The following PUDP variants were observed in gnomAD, a reference collection of about 807,000 sequenced individuals.
The protein encoded by PUDP is pseudouridine-5'-phosphatase.
PUDP carries 8 observed loss-of-function variants against 9.4 expected under a neutral mutation model. The ratio of observed to expected loss-of-function variants is 0.85; its 90% CI spans 0.50 to 1.53. The LOEUF (loss-of-function observed/expected upper bound fraction) is 1.53, where lower values mean the gene tolerates loss of function less well. PUDP is among the 40% of genes most tolerant of loss of function. The pLI is 0.00. For missense variants in PUDP, 188 were observed against 189.7 expected, an observed-to-expected ratio of 0.99 and a Z score of 0.05; for synonymous variants, 99 against 80.7, an observed-to-expected ratio of 1.23 and a Z score of -1.22.
intron 3 of PUDP, among the ~76,000 whole-genome samples, chrX:6,893,326 C>G (rs903887084): frequency 9.0e-6 from 1 of 111,534 alleles, no homozygotes; most frequent in African/African-American, 3.3e-5. Flanking sequence ...AACAAATGCC[C>G]TGGAGAAGCT....
chrX:7,140,180 A>G (rs1259932950), intron 1 of PUDP, among the ~76,000 whole-genome samples: 3 of 112,369 alleles, frequency 2.7e-5, no homozygotes, highest in African/African-American at 6.5e-5. Context: ...AGCACCAACA[A>G]GGCAATTTTA....
chrX:6,795,183 A>G (rs1569100358), intron 3 of PUDP, among the ~76,000 whole-genome samples: 1 of 111,221 alleles, frequency 9.0e-6, no homozygotes, highest in East Asian at 2.8e-4. Context: ...TCTGCATCGT[A>G]TATGTGGTCT....
intron 1 of PUDP, among the ~76,000 whole-genome samples, chrX:7,110,517 G>C (rs1208974214): frequency 9.0e-6 from 1 of 111,536 alleles, no homozygotes; most frequent in Non-Finnish European, 1.9e-5. Context: ...CTGTCATTAA[G>C]AAGCACATAT....
At chrX:6,795,459 A>C (rs1204973930) in intron 3 of PUDP, among the ~76,000 whole-genome samples, 1 of 110,767 alleles carries the variant, frequency 9.0e-6, no homozygotes, top group African/African-American at 3.3e-5. Flanking sequence ...AGTTCCTCCC[A>C]CCCACCATCA....
intron 3 of PUDP, among the ~76,000 whole-genome samples, chrX:6,923,684 T>C (rs759713694): frequency 1.8e-5 from 2 of 111,315 alleles, no homozygotes; most frequent in East Asian, 5.7e-4. Flanking sequence ...ATTGCAAGTG[T>C]CTCCTGAGTG....
intron 2 of PUDP, among the ~76,000 whole-genome samples, chrX:7,095,415 A>G (rs751359122): frequency 1.4e-3 from 161 of 112,564 alleles, no homozygotes; most frequent in South Asian, 4.0e-3. Context: ...CAACACGACC[A>G]TAGTGGACAC....
intron 2 of PUDP, 111 bp downstream of exon 2, chrX:7,105,509 T>C (rs1265046557): frequency 3.8e-6 from 2 of 527,789 alleles, no homozygotes; most frequent in African/African-American, 2.4e-5. Context: ...GTTTAGATAC[T>C]GAAGAAAAGA....
At chrX:7,098,128 T>A (rs1311897374) in intron 2 of PUDP, among the ~76,000 whole-genome samples, 1 of 112,278 alleles carries the variant, frequency 8.9e-6, no homozygotes, top group Non-Finnish European at 1.9e-5. Flanking sequence ...CTGGGCCAGG[T>A]GTAACCACAC....
intron 3 of PUDP, among the ~76,000 whole-genome samples, chrX:6,911,059 C>T (rs1345985138): frequency 8.9e-6 from 1 of 112,426 alleles, no homozygotes; most frequent in Non-Finnish European, 1.9e-5. Flanking sequence ...CCACCTCACA[C>T]ACCTGCCCAG....
intron 1 of PUDP, among the ~76,000 whole-genome samples, chrX:7,018,794 A>G (rs1455835589): frequency 1.8e-5 from 2 of 111,641 alleles, no homozygotes; most frequent in African/African-American, 6.5e-5. Flanking sequence ...GGCTAGGAAA[A>G]TGAGGCTTGA....
intron 2 of PUDP, among the ~76,000 whole-genome samples, chrX:7,091,596 C>T (rs1273882383): frequency 3.7e-5 from 4 of 108,374 alleles, no homozygotes; most frequent in African/African-American, 1.5e-4. Flanking sequence ...CTGCCTTGGC[C>T]TCCCAAAATG....
intron 1 of PUDP, among the ~76,000 whole-genome samples, chrX:6,994,273 C>T (rs1447600797): frequency 9.0e-6 from 1 of 111,120 alleles, no homozygotes; most frequent in African/African-American, 3.3e-5. Context: ...AATAGCTGGG[C>T]ATAGTGGCAT....
intron 1 of PUDP, among the ~76,000 whole-genome samples, chrX:7,020,293 C>A (rs755365915): frequency 9.2e-6 from 1 of 108,156 alleles, no homozygotes; most frequent in South Asian, 4.2e-4. Context: ...GAAAAACTTG[C>A]CACTCAGGTG....
chrX:6,886,064 G>A (rs1446478774), intron 3 of PUDP, among the ~76,000 whole-genome samples: 3 of 111,961 alleles, frequency 2.7e-5, no homozygotes, highest in Non-Finnish European at 5.6e-5. Flanking sequence ...TTGCTATCAC[G>A]GTTCCCTGGC....
At chrX:6,888,874 T>C (rs1927471021) in intron 3 of PUDP, among the ~76,000 whole-genome samples, 1 of 111,060 alleles carries the variant, frequency 9.0e-6, no homozygotes, top group Non-Finnish European at 1.9e-5. Context: ...ATTTTAAGAA[T>C]GCCCCATCAT....
At chrX:7,082,244 G>A (rs56730915) in intron 2 of PUDP, among the ~76,000 whole-genome samples, 36,264 of 110,771 alleles carry the variant, frequency 0.33, 4,549 homozygotes, top group Middle Eastern at 0.48. Flanking sequence ...GGGAAGAAAC[G>A]CTCCTGCTTT....
chrX:6,953,229 T>C (rs767983556), intron 3 of PUDP, among the ~76,000 whole-genome samples: 2 of 112,020 alleles, frequency 1.8e-5, no homozygotes, highest in South Asian at 3.7e-4. Context: ...CTTACTTCAA[T>C]TGAGTTTATT....
chrX:7,000,139 AAGAG>A (rs10699067), intron 1 of PUDP, among the ~76,000 whole-genome samples: 27 of 104,304 alleles, frequency 2.6e-4, no homozygotes, highest in Non-Finnish European at 3.5e-4. Flanking sequence ...GAGAGAGGAA[AAGAG>A]AGAGAGAGAG....
intron 1 of PUDP, among the ~76,000 whole-genome samples, chrX:6,999,226 C>T (rs1337646572): frequency 1.8e-5 from 2 of 111,316 alleles, no homozygotes; most frequent in African/African-American, 6.5e-5. Flanking sequence ...TAAGATAAGT[C>T]CATGGGAGCA....
Sources: gnomAD v4.1 joint callset for allele counts (sites outside exome capture counted in the v4.1 genomes callset) on GRCh38, gnomAD v4.1.1 for gene constraint, MANE v1.5 for transcripts, NCBI Gene and HGNC (gene_info 2026-07-23, HGNC 2026-07-21) for gene names.